The following NAT1 variants were observed in gnomAD, a reference collection of about 807,000 sequenced individuals.
NAT1 encodes the protein N-acetyltransferase 1, also known as arylamine N-acetyltransferase 1.
For missense variants in NAT1, 400 were observed against 339.2 expected (o/e 1.18, Z -1.41); for synonymous variants, 144 against 122.6 (o/e 1.17, Z -1.16).
chr8:18,172,799 C>T lies in NAT1; in HGVS notation n.92+2060C>T, dbSNP rs2040474. On this transcript the variant is annotated intron_variant and non_coding_transcript_variant, in intron 2 of 4. Coordinates refer to the NAT1 transcript ENST00000517441. ...ATTACTGTTTAATACATATTTGAGA[C>T]ATTGACTTCAATTTAATTGAATTTC... 2.7e-4 allele frequency among the ~76,000 whole-genome samples: 41 copies of T among 152,034 alleles called. No individual in the cohort carries two copies. The East Asian group carries it at 7.2e-3, about 27-fold the overall frequency.
intron 2 of NAT1, among the ~76,000 whole-genome samples, chr8:18,200,374 G>A (rs948733040): frequency 4.6e-5 from 7 of 152,168 alleles, no homozygotes; most frequent in Non-Finnish European, 8.8e-5. Context: ...ACAAGATCAT[G>A]TCCTTTGCAG....
chr8:18,171,465 G>C (rs904305858), intron 2 of NAT1, among the ~76,000 whole-genome samples: 1 of 152,152 alleles, frequency 6.6e-6, no homozygotes, highest in Non-Finnish European at 1.5e-5. Flanking sequence ...GGTGCAGTTT[G>C]ACCGAATTAA....
intron 1 of NAT1, among the ~76,000 whole-genome samples, chr8:18,218,408 T>C (rs1315001445): frequency 6.6e-6 from 1 of 152,090 alleles, no homozygotes; most frequent in Non-Finnish European, 1.5e-5. Context: ...CACACACAAT[T>C]AGAGCTTGCG....
intron 2 of NAT1, among the ~76,000 whole-genome samples, chr8:18,182,187 T>G (rs1159895618): frequency 2.6e-5 from 4 of 152,208 alleles, no homozygotes; most frequent in Non-Finnish European, 4.4e-5. Context: ...TTAGCTCTTT[T>G]GAAGGTGTCT....
Position 18,187,602 on chromosome 8 carries a change from A to G in NAT1, n.92+16863A>G, listed in dbSNP as rs181102580. On this transcript the variant is annotated intron_variant and non_coding_transcript_variant, in intron 2 of 4. Transcript: ENST00000517441. ...ATTATCCTTAGCAAACTAATGCAGG[A>G]ACAGAAAACCAAATACAGCTGTTCC... 4.3e-4 allele frequency among the ~76,000 whole-genome samples: 66 copies of G among 152,234 alleles called. 1 individual carries two copies. The highest frequency in any genetic ancestry group is 1.5e-3 in the African/African-American group (64 of 41,536).
At chr8:18,213,740 G>C (rs1259178913) in intron 1 of NAT1, among the ~76,000 whole-genome samples, 1 of 151,706 alleles carries the variant, frequency 6.6e-6, no homozygotes, top group Non-Finnish European at 1.5e-5. Context: ...AACAATTCCA[G>C]TGTTGACAGT....
rs1029808953 is a variant in NAT1 at position 18,222,865 on chromosome 8, T to C, written c.818T>C (p.Ile273Thr). 6.3e-7 allele frequency: 1 copy of C among 1,594,632 alleles called. No homozygotes were observed. Among genetic ancestry groups the C allele is most frequent in the African/African-American group, 1.4e-5 (1 of 73,884 alleles). Residue 273 changes from isoleucine to threonine, a missense_variant, in exon 3 of 3, where the codon ATT (isoleucine) becomes ACT (threonine). By Grantham distance (89) the Ile-to-Thr change is moderately conservative. Coordinates refer to ENST00000307719, the MANE Select transcript of NAT1 (RefSeq NM_000662.8). The stretch of plus-strand genomic sequence containing the variant: ...AAAGTGCTGAAAAATATATTTAATA[T>C]TTCCTTGCAGAGAAAGCTTGTGCCC... ...IEKVLKNIFN[I>T]SLQRKLVPKH...
At chr8:18,188,820 C>T (rs1015457246) in intron 2 of NAT1, among the ~76,000 whole-genome samples, 1 of 151,072 alleles carries the variant, frequency 6.6e-6, no homozygotes, top group African/African-American at 2.4e-5. Flanking sequence ...CATGATGAAA[C>T]CCCGTCTCTA....
chr8:18,179,044 C>G (rs1205053841), intron 2 of NAT1, among the ~76,000 whole-genome samples: 1 of 152,098 alleles, frequency 6.6e-6, no homozygotes, highest in Non-Finnish European at 1.5e-5. Context: ...ACATTTATCC[C>G]TCTATATTCC....
chr8:18,186,741 G>A (rs1327471360), intron 2 of NAT1, among the ~76,000 whole-genome samples: 3 of 151,874 alleles, frequency 2.0e-5, no homozygotes, highest in Admixed American at 6.6e-5. Flanking sequence ...TTTACAGATC[G>A]CAACATGCCC....
At chr8:18,202,833 C>A (rs879239572) in intron 2 of NAT1, among the ~76,000 whole-genome samples, 1 of 152,116 alleles carries the variant, frequency 6.6e-6, no homozygotes. Flanking sequence ...TGGAAGGGGA[C>A]CCCAGCAGGT....
chr8:18,179,471 C>T (rs1263642264), intron 2 of NAT1, among the ~76,000 whole-genome samples: 1 of 152,158 alleles, frequency 6.6e-6, no homozygotes, highest in African/African-American at 2.4e-5. Flanking sequence ...GCATCACCTT[C>T]ACTTTTTTCC....
At chr8:18,172,397 CCA>C (rs1249790223) in intron 2 of NAT1, among the ~76,000 whole-genome samples, 1 of 152,208 alleles carries the variant, frequency 6.6e-6, no homozygotes, top group Non-Finnish European at 1.5e-5. Context: ...GGGAAAGTCA[CCA>C]GTGACCTTCT....
At chr8:18,195,702 A>G (rs1362775566) in intron 2 of NAT1, among the ~76,000 whole-genome samples, 2 of 152,006 alleles carry the variant, frequency 1.3e-5, no homozygotes, top group Non-Finnish European at 2.9e-5. Flanking sequence ...ACTAAGAGTT[A>G]GGGTCTAAAA....
rs77134633 is a variant in NAT1 at position 18,187,185 on chromosome 8, A to G, written n.92+16446A>G. Among the ~76,000 whole-genome samples the G allele has an allele frequency of 3.7e-3, 561 of 152,326 alleles. 3 individuals are homozygous for G. Among genetic ancestry groups the G allele is most frequent in the African/African-American group, 0.013 (545 of 41,572 alleles). On this transcript the variant is annotated intron_variant and non_coding_transcript_variant, in intron 2 of 4. Coordinates refer to the NAT1 transcript ENST00000517441. Reference sequence around the variant, plus strand: ...CACCGGTCACTGTGGTTATTATTAAAACATTAAAAAATAACACATGCTGGC... The same window carrying G: ...CACCGGTCACTGTGGTTATTATTAAGACATTAAAAAATAACACATGCTGGC...
At chr8:18,204,547 T>A (rs1362088444) in intron 2 of NAT1, among the ~76,000 whole-genome samples, 3 of 113,370 alleles carry the variant, frequency 2.6e-5, no homozygotes, top group Non-Finnish European at 5.3e-5. Context: ...TTTGGCATTT[T>A]ATTTTTAATA....
chr8:18,208,154 G>T (rs1803809483), upstream of NAT1, among the ~76,000 whole-genome samples: 1 of 152,052 alleles, frequency 6.6e-6, no homozygotes, highest in African/African-American at 2.4e-5. Context: ...AGCGCATCAG[G>T]AAAAATAGCT....
intron 2 of NAT1, among the ~76,000 whole-genome samples, chr8:18,175,889 A>G (rs981003642): frequency 2.0e-5 from 3 of 152,058 alleles, no homozygotes; most frequent in African/African-American, 7.2e-5. Flanking sequence ...CCTCTTTTGG[A>G]TAATAGCTAT....
At chr8:18,220,732 C>T (rs1805194098) in intron 2 of NAT1, among the ~76,000 whole-genome samples, 1 of 152,090 alleles carries the variant, frequency 6.6e-6, no homozygotes, top group Non-Finnish European at 1.5e-5. Flanking sequence ...AATACCCCAC[C>T]AGCTTCTACT....
Sources: allele counts gnomAD v4.1 joint callset (sites outside exome capture counted in the v4.1 genomes callset), GRCh38; gene constraint gnomAD v4.1.1; transcripts MANE v1.5; gene names NCBI Gene and HGNC (gene_info 2026-07-23, HGNC 2026-07-21).